ACBD6: variants seen among roughly 807,000 people sequenced by gnomAD.
The protein encoded by ACBD6 is acyl-CoA binding domain containing 6.
Under a neutral mutation model 37.2 loss-of-function variants are expected in ACBD6, and 28 were observed. The ratio of observed to expected loss-of-function variants is 0.75; its 90% CI spans 0.56 to 1.03. The LOEUF is 1.03. Among genes scored for constraint, ACBD6 ranks in the 50% least tolerant of loss-of-function variants. The pLI is 0.00. For missense variants in ACBD6, 340 were observed against 337.4 expected, an observed-to-expected ratio of 1.01 and a Z score of -0.06; for synonymous variants, 113 against 126.8, an observed-to-expected ratio of 0.89 and a Z score of 0.73.
chr1:180,501,334 G>A (rs1476177322), intron 1 of ACBD6, among the ~76,000 whole-genome samples: 3 of 61,402 alleles, frequency 4.9e-5, no homozygotes, highest in Non-Finnish European at 9.1e-5. Flanking sequence ...ATTTTGCATT[G>A]CATCACATTA....
chr1:180,333,694 C>T (rs948972386), intron 6 of ACBD6, among the ~76,000 whole-genome samples: 4 of 152,156 alleles, frequency 2.6e-5, no homozygotes, highest in East Asian at 3.9e-4. Context: ...GCGCACTGAG[C>T]GTGAGCCAAA....
chr1:180,289,582 T>C (rs1415189961), intron 7 of ACBD6, among the ~76,000 whole-genome samples: 1 of 152,242 alleles, frequency 6.6e-6, no homozygotes, highest in Non-Finnish European at 1.5e-5. Context: ...CTAGTAATTC[T>C]ACTTCTAGTT....
rs150154525 is a variant in ACBD6, at chr1:180,273,994, T to C, written c.*1055A>G. The C allele has an allele frequency of 1.7e-4, 111 of 635,766 alleles. No individual in the cohort carries two copies. The African/African-American group carries it at 1.8e-3, about 10-fold the overall frequency. 39.4% of individuals were successfully genotyped at this position (635,766 alleles called of 1,614,324 possible). A position where few individuals can be genotyped will look rare whatever the true frequency, so the allele number is the denominator to read the frequency against. On this transcript the variant is annotated 3_prime_UTR_variant, in exon 11 of 14. Transcript: ENST00000642319. The stretch of plus-strand genomic sequence containing the variant: ...ATTTAGTCTTTGCAGGTGTTTCTTG[T>C]TTTTCTCCTTGGCCTGGGTTGGCCT...
At chr1:180,486,261 T>C (rs1571571639) in intron 3 of ACBD6, among the ~76,000 whole-genome samples, 1 of 152,312 alleles carries the variant, frequency 6.6e-6, no homozygotes, top group South Asian at 2.1e-4. Flanking sequence ...ACTGCATATG[T>C]AAGAATCCAG....
At chr1:180,476,775 G>C (rs1448668336) in intron 3 of ACBD6, among the ~76,000 whole-genome samples, 1 of 152,060 alleles carries the variant, frequency 6.6e-6, no homozygotes, top group African/African-American at 2.4e-5. Context: ...GCAGTGAGCT[G>C]AGATCATGCC....
At chr1:180,402,663 C>T (rs1429298377) in intron 5 of ACBD6, among the ~76,000 whole-genome samples, 1 of 152,042 alleles carries the variant, frequency 6.6e-6, no homozygotes, top group Non-Finnish European at 1.5e-5. Context: ...CATGGTGGCA[C>T]ACTTCTGTAG....
chr1:180,461,314 T>C (rs780506369), intron 3 of ACBD6, among the ~76,000 whole-genome samples: 1 of 152,128 alleles, frequency 6.6e-6, no homozygotes, highest in Non-Finnish European at 1.5e-5. Flanking sequence ...GGGAACCAAT[T>C]TGGAAAACAT....
intron 3 of ACBD6, among the ~76,000 whole-genome samples, chr1:180,433,310 T>C (rs1414461123): frequency 6.6e-6 from 1 of 152,108 alleles, no homozygotes; most frequent in Non-Finnish European, 1.5e-5. Flanking sequence ...TCTCAATTGA[T>C]ACAGAAAAAG....
At chr1:180,397,143 T>A (rs942120616) in intron 6 of ACBD6, among the ~76,000 whole-genome samples, 1 of 152,192 alleles carries the variant, frequency 6.6e-6, no homozygotes, top group African/African-American at 2.4e-5. Flanking sequence ...TGTTACAATA[T>A]AGATACACCT....
intron 1 of ACBD6, among the ~76,000 whole-genome samples, chr1:180,500,660 C>A (rs992240888): frequency 6.7e-6 from 1 of 148,206 alleles, no homozygotes; most frequent in Admixed American, 6.8e-5. Context: ...AGCCACTGCA[C>A]TCCAGCCTGG....
intron 6 of ACBD6, among the ~76,000 whole-genome samples, chr1:180,339,538 G>A (rs560697741): frequency 5.4e-3 from 72 of 13,226 alleles, no homozygotes; most frequent in Admixed American, 0.012. Flanking sequence ...TTGTAGGGTG[G>A]AAGGAGGGAG....
intron 3 of ACBD6, among the ~76,000 whole-genome samples, chr1:180,453,512 C>T (rs1284526672): frequency 6.6e-6 from 1 of 152,208 alleles, no homozygotes; most frequent in Non-Finnish European, 1.5e-5. Context: ...TCTCTCACCA[C>T]TCCTATTCAA....
chr1:180,377,047 T>C (rs1653464036), intron 6 of ACBD6, among the ~76,000 whole-genome samples: 1 of 152,164 alleles, frequency 6.6e-6, no homozygotes, highest in Non-Finnish European at 1.5e-5. Context: ...TTAACATAGT[T>C]AGTAAATGTT....
chr1:180,313,533 A>T (rs771570682), intron 7 of ACBD6, among the ~76,000 whole-genome samples: 5 of 152,200 alleles, frequency 3.3e-5, no homozygotes, highest in Non-Finnish European at 5.9e-5. Flanking sequence ...TGCAAATTTA[A>T]AGTCCAAAGC....
At chr1:180,425,189 G>A (rs1648533199) in intron 4 of ACBD6, among the ~76,000 whole-genome samples, 1 of 152,140 alleles carries the variant, frequency 6.6e-6, no homozygotes, top group Non-Finnish European at 1.5e-5. Flanking sequence ...AGAGGAGGAA[G>A]GGAGCCATGA....
chr1:180,376,216 T>C (rs908632408), intron 6 of ACBD6, among the ~76,000 whole-genome samples: 5 of 152,224 alleles, frequency 3.3e-5, no homozygotes, highest in Non-Finnish European at 5.9e-5. Context: ...GGCTCTCTTA[T>C]GAACTGGTAG....
rs1360797036 is a variant in ACBD6, at chr1:180,425,396, C to T, written c.467+4784G>A. The stretch of plus-strand genomic sequence containing the variant: ...AGAATTTAACAAGACATATGTCATC[C>T]AATTTATCACCTATCACCAAGGTGT... On this transcript the variant is annotated intron_variant, in intron 4 of 7. Transcript: ENST00000367595. Among the ~76,000 whole-genome samples, 5 of 152,150 alleles carry T rather than the reference C, an allele frequency of 3.3e-5. 1 individual carries two copies. In the South Asian group the frequency reaches 1.0e-3, roughly 31 times the overall value.
chr1:180,391,130 T>C (rs910084761), intron 6 of ACBD6, among the ~76,000 whole-genome samples: 11 of 152,130 alleles, frequency 7.2e-5, no homozygotes, highest in Non-Finnish European at 1.5e-4. Context: ...TATCCATATG[T>C]AAAAGAATGA....
Position 180,320,377 on chromosome 1 carries a change from T to C in ACBD6, c.664-5655A>G, listed in dbSNP as rs542369774. 5.6e-4 allele frequency among the ~76,000 whole-genome samples: 86 copies of C among 152,334 alleles called. 1 individual carries two copies. In the Middle Eastern group the frequency reaches 0.01, roughly 18 times the overall value. On this transcript the variant is annotated intron_variant, in intron 6 of 7. Coordinates refer to ENST00000367595, the MANE Select transcript of ACBD6 (RefSeq NM_032360.4). ...TTAGGCCAAGCGTGTGGGTCACGCC[T>C]GTAATTCTAGCACTTTGGGAGGCTG... is the stretch of plus-strand genomic sequence containing the variant.
Sources: allele counts gnomAD v4.1 joint callset (sites outside exome capture counted in the v4.1 genomes callset), GRCh38; gene constraint gnomAD v4.1.1; transcripts MANE v1.5; gene names NCBI Gene and HGNC (gene_info 2026-07-23, HGNC 2026-07-21).